The following AHDC1 variants were observed in gnomAD, a reference collection of about 807,000 sequenced individuals.
AHDC1 encodes transcription factor Gibbin.
A neutral mutation model predicts 87.9 loss-of-function variants in AHDC1; 7 were observed. The ratio of observed to expected loss-of-function variants is 0.08; its 90% CI spans 0.05 to 0.15. AHDC1 has a LOEUF of 0.15. AHDC1 is among the 10% of genes least tolerant of loss of function. The pLI is 1.00. For missense variants in AHDC1, 1,841 were observed against 2,253.2 expected (o/e 0.82, Z 3.70); for synonymous variants, 1,051 against 1,006.8 (o/e 1.04, Z -0.83).
chr1:27,597,487 CAA>C (rs1314085825), intron 3 of AHDC1, among the ~76,000 whole-genome samples: 1 of 152,058 alleles, frequency 6.6e-6, no homozygotes, highest in Non-Finnish European at 1.5e-5. Context: ...TTTCCCAAGA[CAA>C]GAGAGGTGCA....
At position 27,593,448 on chromosome 1, in the gene AHDC1, C is replaced by T. The variant is rs1469060423; in HGVS notation, c.-629+9949G>A. Among the ~76,000 whole-genome samples the T allele has an allele frequency of 6.6e-6, 1 of 152,210 alleles. No homozygotes were observed. The highest frequency in any genetic ancestry group is 1.5e-5 in the Non-Finnish European group (1 of 68,034). On this transcript the variant is annotated intron_variant, in intron 3 of 8. Coordinates refer to ENST00000673934, the MANE Select transcript of AHDC1 (RefSeq NM_001371928.1). The surrounding 1 kb of genome is among the most constrained non-coding windows in gnomAD (Gnocchi z 4.9). ...AGGCTGGGACCCAGGTCCCTGGTGT[C>T]CATGGGCAAAGATGGACCCATTCTC...
rs112092539 is a variant in AHDC1 at position 27,560,242 on chromosome 1, T to C, written c.-628-1359A>G. ...TGTGTGTGAGTCTAGCTAAGCCTGTTTGTGTGTGAGGACACAGGGGTGCAT... is the reference window on the plus strand; with the variant it reads ...TGTGTGTGAGTCTAGCTAAGCCTGTCTGTGTGTGAGGACACAGGGGTGCAT... On this transcript the variant is annotated intron_variant, in intron 3 of 8. Coordinates refer to ENST00000673934, the MANE Select transcript of AHDC1 (RefSeq NM_001371928.1). The surrounding 1 kb of genome is among the most constrained non-coding windows in gnomAD (Gnocchi z 4.1). Among the ~76,000 whole-genome samples the C allele has an allele frequency of 6.6e-6, 1 of 151,462 alleles. No homozygotes were observed. The highest frequency in any genetic ancestry group is 1.5e-5 in the Non-Finnish European group (1 of 67,808).
intron 3 of AHDC1, among the ~76,000 whole-genome samples, chr1:27,578,564 G>A (rs964620854): frequency 4.0e-5 from 6 of 151,694 alleles, no homozygotes; most frequent in Non-Finnish European, 7.4e-5. Context: ...ACTCCAGTGA[G>A]GGCAACAGAG....
chr1:27,604,150 C>T (rs2089619988), upstream of AHDC1: 3 of 154,788 alleles, frequency 1.9e-5, no homozygotes, highest in African/African-American at 4.8e-5. Flanking sequence ...CCTCTGCGAG[C>T]TCGCCTTACC....
intron 3 of AHDC1, among the ~76,000 whole-genome samples, chr1:27,589,647 A>C (rs1221228190): frequency 6.6e-6 from 1 of 151,990 alleles, no homozygotes; most frequent in African/African-American, 2.4e-5. Flanking sequence ...TGTAGTATGG[A>C]GATGCTTATC....
At chr1:27,601,863 C>T (rs371986446) in intron 3 of AHDC1, among the ~76,000 whole-genome samples, 15 of 152,310 alleles carry the variant, frequency 9.8e-5, no homozygotes, top group African/African-American at 2.9e-4. Flanking sequence ...CCCGCCCAGC[C>T]GGCGGCGACA....
In AHDC1 at chr1:27,549,507, G is replaced by T; in HGVS notation, c.2609C>A (p.Thr870Asn). Reference sequence around the variant, plus strand: ...GGCACTGGTGGGTGGCCCTGCATAGGTGCCCGATGCCTTCCGGGACTCTGG... The same window carrying T: ...GGCACTGGTGGGTGGCCCTGCATAGTTGCCCGATGCCTTCCGGGACTCTGG... ...SRPESRKASGTYAGPPTSALP... is the reference protein window; with the variant it reads ...SRPESRKASGNYAGPPTSALP... The change falls in exon 8 of 9, where the codon ACC becomes AAC. Residue 870 changes from threonine (T) to asparagine (N), a missense_variant. This residue lies in a region of AHDC1 where 378 missense variants were observed against 399.0 expected (regional missense o/e 0.95). Transcript: ENST00000673934. 1 of 1,613,298 alleles carries T rather than the reference G, an allele frequency of 6.2e-7. No homozygotes were observed. Among genetic ancestry groups the T allele is most frequent in the Non-Finnish European group, 8.5e-7 (1 of 1,179,978 alleles).
At position 27,549,098 on chromosome 1, in the gene AHDC1, G is replaced by A. The variant is rs1180553938; in HGVS notation, c.3018C>T (p.Asn1006=). Residue 1006 remains asparagine (N), a synonymous_variant, in exon 8 of 9, where the codon AAC becomes AAT. Transcript: ENST00000673934. ...KDCSFAYGSG[N]SLPASPSSAH... is the part of the protein sequence containing the mutation. ...CGCTGCTGGGTGAGGCAGGGAGGCT[G>A]TTGCCACTGCCATAGGCGAAGCTGC... The A allele has an allele frequency of 1.3e-6, 2 of 1,553,894 alleles. No homozygotes were observed. The highest frequency in any genetic ancestry group is 1.4e-5 in the African/African-American group (1 of 73,274).
Position 27,560,225 on chromosome 1 carries a change from A to T in AHDC1, c.-628-1342T>A, listed in dbSNP as rs200568234. 3.2e-4 allele frequency among the ~76,000 whole-genome samples: 37 copies of T among 114,916 alleles called. No individual in the cohort carries two copies. In the East Asian group the frequency reaches 7.8e-3, roughly 24 times the overall value. The allele number at this position is 114,916 out of a possible 152,430, so 75.4% of individuals were successfully genotyped here. On this transcript the variant is annotated intron_variant, in intron 3 of 8. Coordinates refer to ENST00000673934, the MANE Select transcript of AHDC1 (RefSeq NM_001371928.1). This position sits in a 1 kb window ranked among gnomAD's most constrained non-coding sequence, Gnocchi z 4.1. ...TTGTGTGTGTGTGTGTGTGTGTGTG[A>T]GTCTAGCTAAGCCTGTTTGTGTGTG...
At chr1:27,566,765 C>T (rs1398071779) in intron 3 of AHDC1, among the ~76,000 whole-genome samples, 4 of 144,294 alleles carry the variant, frequency 2.8e-5, no homozygotes, top group African/African-American at 1.0e-4. Flanking sequence ...GGGCATGAGG[C>T]TCACAGATGC....
At position 27,558,583 on chromosome 1, in the gene AHDC1, A is replaced by G. The variant is rs2019929994; in HGVS notation, c.-450-53T>C. 2 of 397,058 alleles carry G rather than the reference A, an allele frequency of 5.0e-6. No homozygotes were observed. Among genetic ancestry groups the G allele is most frequent in the Non-Finnish European group, 8.9e-6 (2 of 225,754 alleles). 24.6% of individuals were successfully genotyped at this position (397,058 alleles called of 1,614,324 possible). A position where few individuals can be genotyped will look rare whatever the true frequency, so the allele number is the denominator to read the frequency against. On this transcript the variant is annotated intron_variant, in intron 4 of 8. Coordinates refer to ENST00000673934, the MANE Select transcript of AHDC1 (RefSeq NM_001371928.1). This position sits in a 1 kb window ranked among gnomAD's most constrained non-coding sequence, Gnocchi z 5.6. The stretch of plus-strand genomic sequence containing the variant: ...TTGGGTTAATATGTTTTGATTCTGT[A>G]AAGAAGCTCTTTTTGACCTAAGCTG...
chr1:27,548,256 C>T lies in AHDC1; in HGVS notation c.3860G>A (p.Gly1287Asp), dbSNP rs773311387. The change falls in exon 8 of 9, where the codon GGT (glycine) becomes GAT (aspartate). Residue 1287 changes from glycine to aspartate, a missense_variant. Gly to Asp is a moderately conservative substitution (Grantham distance 94). This residue lies in a region of AHDC1 where 505 missense variants were observed against 626.2 expected (regional missense o/e 0.81). Coordinates refer to ENST00000673934, the MANE Select transcript of AHDC1 (RefSeq NM_001371928.1). ...GAACTTGGCTTTGGCCGCTGCGCCA[C>T]CCCGCTCCTTCTTGGCTGAGCAGGC... ...GGACSAKKERGGAAAKAKFIP... is the reference protein window; with the variant it reads ...GGACSAKKERDGAAAKAKFIP... 1.2e-6 allele frequency: 2 copies of T among 1,611,596 alleles called. No individual in the cohort carries two copies. The highest frequency in any genetic ancestry group is 2.2e-5 in the South Asian group (2 of 91,070).
intron 3 of AHDC1, among the ~76,000 whole-genome samples, chr1:27,566,870 G>A (rs895308968): frequency 4.0e-5 from 6 of 151,736 alleles, no homozygotes; most frequent in African/African-American, 1.2e-4. Flanking sequence ...CCATGGAGGC[G>A]GGCACGGCAG....
chr1:27,580,119 C>T (rs61177860), intron 3 of AHDC1, among the ~76,000 whole-genome samples: 1,746 of 152,228 alleles, frequency 0.011, 34 homozygotes, highest in African/African-American at 0.038. Flanking sequence ...TCTTGATGGC[C>T]TTGGGATGTG....
At chr1:27,566,574 G>A (rs1557683117) in intron 3 of AHDC1, among the ~76,000 whole-genome samples, 1 of 150,900 alleles carries the variant, frequency 6.6e-6, no homozygotes, top group African/African-American at 2.4e-5. Context: ...CACAGCGACA[G>A]TCGGAGGGTG....
In AHDC1 at chr1:27,595,003, G is replaced by A. The variant is rs1008978307; in HGVS notation, c.-629+8394C>T. Reference sequence around the variant, plus strand: ...GAGCTGAGACTGTCTGGGAAGCGGTGGGGCCGGGCCATTAGGACTGCCTGT... The same window carrying A: ...GAGCTGAGACTGTCTGGGAAGCGGTAGGGCCGGGCCATTAGGACTGCCTGT... On this transcript the variant is annotated intron_variant, in intron 3 of 8. Coordinates refer to ENST00000673934, the MANE Select transcript of AHDC1 (RefSeq NM_001371928.1). The surrounding 1 kb of genome is among the most constrained non-coding windows in gnomAD (Gnocchi z 4.0). Among the ~76,000 whole-genome samples the A allele has an allele frequency of 6.6e-6, 1 of 152,024 alleles. No individual in the cohort carries two copies. Among genetic ancestry groups the A allele is most frequent in the African/African-American group, 2.4e-5 (1 of 41,342 alleles).
intron 3 of AHDC1, among the ~76,000 whole-genome samples, chr1:27,567,587 C>A (rs2020380119): frequency 6.6e-6 from 1 of 152,172 alleles, no homozygotes. Context: ...GCTGGCCCAG[C>A]ATAATCCCTG....
Position 27,558,613 on chromosome 1 carries a change from G to A in AHDC1, c.-450-83C>T. 2.5e-6 allele frequency: 1 copy of A among 397,782 alleles called. No homozygotes were observed. Among genetic ancestry groups the A allele is most frequent in the Non-Finnish European group, 4.4e-6 (1 of 225,962 alleles). The allele number at this position is 397,782 out of a possible 1,614,324, so 24.6% of individuals were successfully genotyped here. ...AGCTCTTTTTGACCTAAGCTGGGAG[G>A]GGATCCCTGTTGGGACTGGGAGGCA... On this transcript the variant is annotated intron_variant, in intron 4 of 8. Transcript: ENST00000673934. The surrounding 1 kb of genome is among the most constrained non-coding windows in gnomAD (Gnocchi z 5.6).
rs958857763 is a variant in AHDC1 at position 27,563,905 on chromosome 1, G to T, written c.-628-5022C>A. On this transcript the variant is annotated intron_variant, in intron 3 of 8. Transcript: ENST00000673934. The surrounding 1 kb of genome is among the most constrained non-coding windows in gnomAD (Gnocchi z 6.1). Reference sequence around the variant, plus strand: ...ACTGTAGTTGTGTATCTAGGGAGGGGGCTGAATGAGTGGTGGAGGGAGGGC... The same window carrying T: ...ACTGTAGTTGTGTATCTAGGGAGGGTGCTGAATGAGTGGTGGAGGGAGGGC... Among the ~76,000 whole-genome samples the T allele has an allele frequency of 3.3e-5, 5 of 152,214 alleles. No individual in the cohort carries two copies. The highest frequency in any genetic ancestry group is 7.3e-5 in the Non-Finnish European group (5 of 68,032).
Sources: gnomAD v4.1 joint callset for allele counts (sites outside exome capture counted in the v4.1 genomes callset) on GRCh38, gnomAD v4.1.1 for gene constraint, gnomAD v4.1.1 regional missense constraint, Gnocchi (gnomAD v3.1) non-coding constraint, MANE v1.5 for transcripts, NCBI Gene and HGNC (gene_info 2026-07-23, HGNC 2026-07-21) for gene names.